Variants in HIPK2 observed in about 807,000 individuals in gnomAD.
HIPK2 encodes the protein homeodomain-interacting protein kinase 2.
In HIPK2, 27 loss-of-function variants were observed where a neutral mutation model predicts 113.7. The observed-to-expected ratio is 0.24, with a 90% CI of 0.17 to 0.33. HIPK2 has a LOEUF of 0.33. HIPK2 is among the 10% of genes least tolerant of loss of function. The probability of loss-of-function intolerance (pLI) is 1.00; values close to 1 mark genes in which losing one functional copy is unlikely to be tolerated. For synonymous variants in HIPK2, 631 were observed against 642.2 expected (o/e 0.98, Z 0.26); for missense variants, 1,257 against 1,588.0 (o/e 0.79, Z 3.54).
rs545156918 is a variant in HIPK2, at chr7:139,642,254, C to T, written c.1104-10529G>A. ...TGCAAAAATAAGGAGACTTGCATTGCTGTCTTGAGCTCTGAGCCGCTGTTT... is the reference window on the plus strand; with the variant it reads ...TGCAAAAATAAGGAGACTTGCATTGTTGTCTTGAGCTCTGAGCCGCTGTTT... On this transcript the variant is annotated intron_variant, in intron 2 of 14. Transcript: ENST00000406875. Among the ~76,000 whole-genome samples the T allele has an allele frequency of 8.9e-4, 136 of 152,304 alleles. 1 individual carries two copies. Among genetic ancestry groups the T allele is most frequent in the African/African-American group, 3.2e-3 (132 of 41,572 alleles).
At chr7:139,641,432 G>A (rs1333687403) in intron 2 of HIPK2, among the ~76,000 whole-genome samples, 1 of 151,862 alleles carries the variant, frequency 6.6e-6, no homozygotes, top group Non-Finnish European at 1.5e-5. Flanking sequence ...TCCTTGTGTG[G>A]AGAAATACTA....
chr7:139,711,341 TG>T (rs1469429209), intron 2 of HIPK2, among the ~76,000 whole-genome samples: 1 of 151,870 alleles, frequency 6.6e-6, no homozygotes, highest in Non-Finnish European at 1.5e-5. Flanking sequence ...AGCAGAAGAA[TG>T]GGGTGAACCT....
At chr7:139,699,901 C>T (rs2116840613) in intron 2 of HIPK2, among the ~76,000 whole-genome samples, 1 of 152,364 alleles carries the variant, frequency 6.6e-6, no homozygotes, top group South Asian at 2.1e-4. Context: ...CTTCCTGTGG[C>T]TGCACACTAT....
chr7:139,597,169 C>T, intron 11 of HIPK2, 171 bp from the exon 12 acceptor site: 1 of 241,136 alleles, frequency 4.1e-6, no homozygotes, highest in South Asian at 1.5e-4. Context: ...CAGTGAGCGG[C>T]TACACAGGCC....
chr7:139,668,267 G>C (rs1802128604), intron 2 of HIPK2, among the ~76,000 whole-genome samples: 1 of 151,426 alleles, frequency 6.6e-6, no homozygotes, highest in Non-Finnish European at 1.5e-5. Context: ...ATTTTAAAAA[G>C]GTATGATTTA....
chr7:139,598,636 G>A (rs1006931615), intron 11 of HIPK2, among the ~76,000 whole-genome samples: 4 of 152,190 alleles, frequency 2.6e-5, no homozygotes, highest in Non-Finnish European at 1.5e-5. Flanking sequence ...TAATTATATC[G>A]ATCTTGAAAT....
intron 2 of HIPK2, among the ~76,000 whole-genome samples, chr7:139,667,674 T>C (rs781523269): frequency 2.0e-5 from 3 of 152,308 alleles, no homozygotes; most frequent in Non-Finnish European, 2.9e-5. Context: ...TTTAGAAACA[T>C]TGCCAGATTC....
At chr7:139,765,631 A>C (rs1472332011) in intron 1 of HIPK2, among the ~76,000 whole-genome samples, 3 of 152,350 alleles carry the variant, frequency 2.0e-5, no homozygotes, top group Non-Finnish European at 4.4e-5. Context: ...AATCAGGCAG[A>C]ATTTACATTG....
intron 2 of HIPK2, among the ~76,000 whole-genome samples, chr7:139,642,338 A>T (rs1340022399): frequency 1.3e-5 from 2 of 152,224 alleles, no homozygotes; most frequent in African/African-American, 2.4e-5. Context: ...AGGACCCAAG[A>T]AACAGTGGCA....
At chr7:139,648,217 A>G (rs369799414) in intron 2 of HIPK2, among the ~76,000 whole-genome samples, 18 of 152,356 alleles carry the variant, frequency 1.2e-4, no homozygotes, top group East Asian at 3.9e-4. Flanking sequence ...CACATACCCC[A>G]AAGTTTCAAC....
intron 2 of HIPK2, among the ~76,000 whole-genome samples, chr7:139,672,626 T>C (rs1249569115): frequency 1.3e-5 from 2 of 152,158 alleles, no homozygotes; most frequent in Non-Finnish European, 2.9e-5. Context: ...GCCCGCCTAA[T>C]TTTTTGTATT....
At chr7:139,755,953 C>G (rs1796355776) in intron 1 of HIPK2, among the ~76,000 whole-genome samples, 1 of 152,208 alleles carries the variant, frequency 6.6e-6, no homozygotes, top group Admixed American at 6.5e-5. Context: ...CAAATGTTTT[C>G]TTACAGGAAA....
intron 2 of HIPK2, among the ~76,000 whole-genome samples, chr7:139,701,266 C>T (rs922530317): frequency 1.2e-4 from 18 of 152,280 alleles, no homozygotes; most frequent in African/African-American, 4.3e-4. Context: ...GTCTGAGAAC[C>T]TTAGAAACAC....
At chr7:139,670,458 T>C (rs1461200264) in intron 2 of HIPK2, among the ~76,000 whole-genome samples, 1 of 151,306 alleles carries the variant, frequency 6.6e-6, no homozygotes, top group Non-Finnish European at 1.5e-5. Context: ...CTGGGCATGA[T>C]GGCACACACC....
At chr7:139,720,716 C>A (rs1336774565) in intron 1 of HIPK2, among the ~76,000 whole-genome samples, 1 of 152,188 alleles carries the variant, frequency 6.6e-6, no homozygotes, top group African/African-American at 2.4e-5. Context: ...AGAGTCAAAG[C>A]AAAACAGCCA....
intron 2 of HIPK2, among the ~76,000 whole-genome samples, chr7:139,693,790 C>T (rs1794484365): frequency 6.6e-6 from 1 of 151,180 alleles, no homozygotes; most frequent in Non-Finnish European, 1.5e-5. Context: ...GAAATGTATA[C>T]ACACATGATA....
chr7:139,703,740 GAC>G (rs1794781942), intron 2 of HIPK2, among the ~76,000 whole-genome samples: 1 of 46,772 alleles, frequency 2.1e-5, no homozygotes, highest in Non-Finnish European at 4.1e-5. Flanking sequence ...ATACACACCC[GAC>G]ACACACCACA....
chr7:139,750,045 T>G (rs2117105575), intron 1 of HIPK2, among the ~76,000 whole-genome samples: 1 of 152,368 alleles, frequency 6.6e-6, no homozygotes, highest in African/African-American at 2.4e-5. Context: ...TATCTGCTCC[T>G]TCTCACCCTC....
intron 7 of HIPK2, among the ~76,000 whole-genome samples, chr7:139,616,940 T>C (rs1419844063): frequency 2.6e-5 from 4 of 152,242 alleles, no homozygotes; most frequent in Non-Finnish European, 4.4e-5. Context: ...CATGAGCTCC[T>C]TGAGAGGCTG....
Sources: gnomAD v4.1 joint callset for allele counts (sites outside exome capture counted in the v4.1 genomes callset) on GRCh38, gnomAD v4.1.1 for gene constraint, MANE v1.5 for transcripts, NCBI Gene and HGNC (gene_info 2026-07-23, HGNC 2026-07-21) for gene names.